GRIP1: variants seen among roughly 807,000 people sequenced by gnomAD.
The protein encoded by GRIP1 is glutamate receptor interacting protein 1.
Under a neutral mutation model 129.9 loss-of-function variants are expected in GRIP1, and 45 were observed. That is an observed-to-expected ratio of 0.35 (90% confidence interval 0.27 to 0.44). The LOEUF (loss-of-function observed/expected upper bound fraction) is 0.44, where lower values mean the gene tolerates loss of function less well. Ranked by LOEUF, GRIP1 falls within the 20% of genes least tolerant of loss-of-function variation. The pLI is 1.00. For synonymous variants in GRIP1, 530 were observed against 520.8 expected (o/e 1.02, Z -0.24); for missense variants, 1,196 against 1,396.8 (o/e 0.86, Z 2.29).
intron 1 of GRIP1, among the ~76,000 whole-genome samples, chr12:66,854,823 G>C (rs980130552): frequency 6.6e-6 from 1 of 151,942 alleles, no homozygotes; most frequent in Admixed American, 6.6e-5. Flanking sequence ...GATATAAGAG[G>C]AATATGTAAA....
At chr12:66,589,076 G>A (rs1056134316) in intron 2 of GRIP1, among the ~76,000 whole-genome samples, 11 of 151,964 alleles carry the variant, frequency 7.2e-5, no homozygotes, top group African/African-American at 9.7e-5. Flanking sequence ...ATTTTCCCCC[G>A]GTGATGTTTC....
intron 1 of GRIP1, among the ~76,000 whole-genome samples, chr12:66,954,498 A>T (rs959238482): frequency 2.0e-5 from 3 of 152,218 alleles, no homozygotes; most frequent in Non-Finnish European, 4.4e-5. Context: ...CCACACCAGT[A>T]AGCTGGTGGT....
intron 1 of GRIP1, among the ~76,000 whole-genome samples, chr12:66,704,122 C>T (rs2035446644): frequency 6.6e-6 from 1 of 152,002 alleles, no homozygotes; most frequent in Non-Finnish European, 1.5e-5. Context: ...GTGAAATTGA[C>T]TAACTACTCC....
At chr12:66,649,178 T>C (rs2032601547) in intron 1 of GRIP1, among the ~76,000 whole-genome samples, 1 of 152,232 alleles carries the variant, frequency 6.6e-6, no homozygotes, top group South Asian at 2.1e-4. Flanking sequence ...AGCAATTTCA[T>C]GTTTGAAGTT....
chr12:66,623,666 C>T (rs905274679), intron 1 of GRIP1, among the ~76,000 whole-genome samples: 3 of 152,146 alleles, frequency 2.0e-5, no homozygotes, highest in African/African-American at 7.2e-5. Flanking sequence ...TGTTTCTTCT[C>T]AGAACCTGAG....
At chr12:66,801,279 A>G (rs1346198272) in intron 1 of GRIP1, among the ~76,000 whole-genome samples, 1 of 152,118 alleles carries the variant, frequency 6.6e-6, no homozygotes, top group Admixed American at 6.6e-5. Context: ...TGAAGGATAG[A>G]TGAGTGATGA....
chr12:66,578,765 G>A (rs894559016), intron 2 of GRIP1, among the ~76,000 whole-genome samples: 14 of 152,186 alleles, frequency 9.2e-5, no homozygotes, highest in South Asian at 2.1e-4. Context: ...AAGCTCCAAC[G>A]GGGTGGAGCC....
chr12:66,356,042 G>A (rs1205929624), intron 23 of GRIP1, among the ~76,000 whole-genome samples: 1 of 152,182 alleles, frequency 6.6e-6, no homozygotes, highest in South Asian at 2.1e-4. Context: ...CTCCAAGGTC[G>A]ACACTGTGTG....
At chr12:66,728,697 T>C (rs1362714651) in intron 1 of GRIP1, among the ~76,000 whole-genome samples, 2 of 152,180 alleles carry the variant, frequency 1.3e-5, no homozygotes, top group Admixed American at 6.5e-5. Flanking sequence ...TCTTACTATG[T>C]TGAGAGTGTA....
chr12:66,598,559 TC>T (rs1283785334), intron 1 of GRIP1, among the ~76,000 whole-genome samples: 1 of 152,192 alleles, frequency 6.6e-6, no homozygotes, highest in Non-Finnish European at 1.5e-5. Flanking sequence ...TATAAAAGTC[TC>T]CCTTTGCCTC....
chr12:66,847,021 G>A (rs1188713709), intron 1 of GRIP1, among the ~76,000 whole-genome samples: 14 of 152,166 alleles, frequency 9.2e-5, no homozygotes, highest in South Asian at 2.1e-4. Context: ...TCCAGAGTAG[G>A]AAAGTCCAAT....
intron 1 of GRIP1, among the ~76,000 whole-genome samples, chr12:66,938,908 G>A (rs536795219): frequency 4.5e-4 from 68 of 152,228 alleles, no homozygotes; most frequent in African/African-American, 1.6e-3. Flanking sequence ...AGTAAGCCGA[G>A]ATGGTGCCAT....
chr12:66,961,708 T>C (rs1039053873), intron 1 of GRIP1, among the ~76,000 whole-genome samples: 2 of 152,156 alleles, frequency 1.3e-5, no homozygotes, highest in African/African-American at 4.8e-5. Context: ...TATTGAATAC[T>C]TACATAGGCA....
chr12:66,459,919 A>G (rs1178836442), intron 9 of GRIP1, among the ~76,000 whole-genome samples: 1 of 152,216 alleles, frequency 6.6e-6, no homozygotes, highest in Non-Finnish European at 1.5e-5. Context: ...GAGCACTTAT[A>G]GACATTCTCT....
At chr12:66,830,069 G>A (rs895059748) in intron 1 of GRIP1, among the ~76,000 whole-genome samples, 2 of 152,114 alleles carry the variant, frequency 1.3e-5, no homozygotes, top group African/African-American at 4.8e-5. Context: ...AAATATACTA[G>A]AACAATAATC....
chr12:66,940,087 T>G (rs1052151965), intron 1 of GRIP1, among the ~76,000 whole-genome samples: 2 of 150,518 alleles, frequency 1.3e-5, no homozygotes, highest in African/African-American at 2.5e-5. Context: ...CCTTTTGGGT[T>G]TTTTTTTAAT....
chr12:67,046,767 TA>T (rs1281595663), intron 1 of GRIP1, among the ~76,000 whole-genome samples: 1 of 152,196 alleles, frequency 6.6e-6, no homozygotes, highest in African/African-American at 2.4e-5. Flanking sequence ...GGAACATAAT[TA>T]AAGTTTACTT....
intron 1 of GRIP1, among the ~76,000 whole-genome samples, chr12:67,029,235 C>T (rs567079023): frequency 2.6e-4 from 40 of 152,244 alleles, no homozygotes; most frequent in African/African-American, 2.4e-5. Flanking sequence ...CTCAGCCTCC[C>T]GATAGCTAGC....
At chr12:66,923,761 T>C (rs1272190257) in intron 1 of GRIP1, among the ~76,000 whole-genome samples, 1 of 152,226 alleles carries the variant, frequency 6.6e-6, no homozygotes, top group Non-Finnish European at 1.5e-5. Context: ...TAAGTTTCAA[T>C]TCCTCATCTA....
Sources: gnomAD v4.1 joint callset for allele counts (sites outside exome capture counted in the v4.1 genomes callset) on GRCh38, gnomAD v4.1.1 for gene constraint, MANE v1.5 for transcripts, NCBI Gene and HGNC (gene_info 2026-07-23, HGNC 2026-07-21) for gene names.